C5orf22: variants seen among roughly 807,000 people sequenced by gnomAD.
C5orf22 encodes the protein UPF0489 protein C5orf22.
C5orf22 carries 36 observed loss-of-function variants against 48.7 expected under a neutral mutation model. The observed-to-expected ratio is 0.74, with a 90% CI of 0.57 to 0.98. The LOEUF is 0.98. Ranked by LOEUF, C5orf22 falls within the 50% of genes least tolerant of loss-of-function variation. The probability of loss-of-function intolerance (pLI) is 0.00; values close to 1 mark genes in which losing one functional copy is unlikely to be tolerated. For missense variants in C5orf22, 486 were observed against 521.9 expected (o/e 0.93, Z 0.67); for synonymous variants, 141 against 180.8 (o/e 0.78, Z 1.76).
At chr5:31,535,664 T>C (rs1742023821) in intron 2 of C5orf22, 80 bp from the exon 3 acceptor site, 3 of 1,193,170 alleles carry the variant, frequency 2.5e-6, no homozygotes, top group Middle Eastern at 2.6e-4. Flanking sequence ...ACCTGTGGTC[T>C]TAAAATGTTG....
At chr5:31,548,929 C>G (rs1234681264) in intron 7 of C5orf22, among the ~76,000 whole-genome samples, 1 of 152,094 alleles carries the variant, frequency 6.6e-6, no homozygotes, top group African/African-American at 2.4e-5. Flanking sequence ...TTAAAACCAT[C>G]AGATCTCCAG....
chr5:31,532,809 A>G (rs553801354), intron 1 of C5orf22, among the ~76,000 whole-genome samples: 28 of 152,060 alleles, frequency 1.8e-4, no homozygotes, highest in Admixed American at 4.6e-4. Context: ...GCTTCCAAGT[A>G]TCTCCTGGAA....
intron 6 of C5orf22, among the ~76,000 whole-genome samples, chr5:31,543,316 T>A (rs11742018): frequency 6.6e-6 from 1 of 152,200 alleles, no homozygotes; most frequent in South Asian, 2.1e-4. Context: ...CTCTGTAATC[T>A]GAGCACTTTG....
At chr5:31,546,707 A>G (rs1742902670) in intron 7 of C5orf22, among the ~76,000 whole-genome samples, 1 of 152,128 alleles carries the variant, frequency 6.6e-6, no homozygotes, top group African/African-American at 2.4e-5. Context: ...TGTTTTTAAA[A>G]CTGTGAGATC....
At chr5:31,540,196 A>G (rs62348758) in intron 4 of C5orf22, among the ~76,000 whole-genome samples, 37,053 of 152,178 alleles carry the variant, frequency 0.24, 5,375 homozygotes, top group Non-Finnish European at 0.34. Flanking sequence ...ATCATACCCA[A>G]CTCAGGATTG....
intron 6 of C5orf22, among the ~76,000 whole-genome samples, chr5:31,544,703 A>G (rs1248220644): frequency 6.6e-6 from 1 of 152,210 alleles, no homozygotes; most frequent in African/African-American, 2.4e-5. Context: ...TGGGAGGCTA[A>G]GGTGGAAGGC....
At chr5:31,533,854 A>G (rs1741893744) in intron 1 of C5orf22, among the ~76,000 whole-genome samples, 1 of 152,154 alleles carries the variant, frequency 6.6e-6, no homozygotes, top group South Asian at 2.1e-4. Context: ...GTGAGCCATG[A>G]TCACACCACT....
chr5:31,534,869 C>A (rs1028739560), intron 2 of C5orf22: 2 of 379,390 alleles, frequency 5.3e-6, no homozygotes, highest in African/African-American at 4.3e-5. Flanking sequence ...CATAACCAGA[C>A]CCCATCTCTT....
Position 31,542,463 on chromosome 5 carries a change from G to A in C5orf22, c.992+1061G>A, listed in dbSNP as rs537444438. On this transcript the variant is annotated intron_variant, in intron 6 of 8. Transcript: ENST00000325366. ...GAGACTGGACTTTTTCTGAGACTCCGTCTCAAAAAAAAAAAGCGAAAACTT... is the reference window on the plus strand; with the variant it reads ...GAGACTGGACTTTTTCTGAGACTCCATCTCAAAAAAAAAAAGCGAAAACTT... Among the ~76,000 whole-genome samples, 108 of 45,706 alleles carry A rather than the reference G, an allele frequency of 2.4e-3. 2 individuals are homozygous for A. The highest frequency in any genetic ancestry group is 6.4e-3 in the African/African-American group (103 of 16,022). 30.0% of individuals were successfully genotyped at this position (45,706 alleles called of 152,430 possible).
At chr5:31,552,046 A>G (rs1041196060) in intron 8 of C5orf22, among the ~76,000 whole-genome samples, 1 of 152,050 alleles carries the variant, frequency 6.6e-6, no homozygotes, top group Non-Finnish European at 1.5e-5. Flanking sequence ...TGCTCTTCTC[A>G]CTCTGTCCTC....
Position 31,553,043 on chromosome 5 carries a change from A to G in C5orf22, c.*141A>G, listed in dbSNP as rs1414776098. On this transcript the variant is annotated 3_prime_UTR_variant, in exon 9 of 9. Coordinates refer to ENST00000325366, the MANE Select transcript of C5orf22 (RefSeq NM_018356.3). ...TCTTTCAGATATTTTGAATCTCTGA[A>G]CAACCATTGTCAGTTGTGAATGATG... The G allele has an allele frequency of 3.8e-6, 3 of 795,752 alleles. No homozygotes were observed. The highest frequency in any genetic ancestry group is 3.1e-5 in the Admixed American group (1 of 32,014). The allele number at this position is 795,752 out of a possible 1,614,324, so 49.3% of individuals were successfully genotyped here. A position where few individuals can be genotyped will look rare whatever the true frequency, so the allele number is the denominator to read the frequency against.
chr5:31,549,973 G>A (rs190397985), intron 7 of C5orf22, among the ~76,000 whole-genome samples: 5 of 152,196 alleles, frequency 3.3e-5, no homozygotes, highest in South Asian at 2.1e-4. Flanking sequence ...GGTTTTTTTC[G>A]TTGGGTGGGT....
chr5:31,545,831 C>A, intron 7 of C5orf22, 119 bp downstream of exon 7: 2 of 614,966 alleles, frequency 3.3e-6, no homozygotes, highest in Non-Finnish European at 5.7e-6. Flanking sequence ...AAGTCTGAAA[C>A]AATTATTAAG....
At chr5:31,551,238 G>T in intron 7 of C5orf22, 55 bp from the exon 8 acceptor site, 1 of 1,560,256 alleles carries the variant, frequency 6.4e-7, no homozygotes, top group South Asian at 1.2e-5. Flanking sequence ...AATGATTAAA[G>T]AAGCTTATAA....
At position 31,538,687 on chromosome 5, in the gene C5orf22, C is replaced by G. The variant is rs540735909; in HGVS notation, c.805C>G (p.Gln269Glu). 3.0e-5 allele frequency: 48 copies of G among 1,604,466 alleles called. No individual in the cohort carries two copies. The Admixed American group carries it at 7.7e-4, about 26-fold the overall frequency. Reference sequence around the variant, plus strand: ...GAATCCCTTCAAAGAAATGTTCACTCAGGTAAATAATTGTGTTTTTAACAC... The same window carrying G: ...GAATCCCTTCAAAGAAATGTTCACTGAGGTAAATAATTGTGTTTTTAACAC... ...VKNPFKEMFT[Q>E]EEYKILQELY... Residue 269 changes from glutamine (Q) to glutamate (E), a missense_variant and splice_region_variant, in exon 4 of 9, where the codon CAG becomes GAG. Gln to Glu is a conservative substitution (Grantham distance 29). Transcript: ENST00000325366.
intron 4 of C5orf22, 137 bp downstream of exon 4, chr5:31,538,826 T>C: frequency 1.5e-6 from 1 of 657,384 alleles, no homozygotes; most frequent in Admixed American, 2.9e-5. Context: ...CTAATACCCT[T>C]TTCTGTTGTT....
intron 3 of C5orf22, among the ~76,000 whole-genome samples, chr5:31,536,418 G>C (rs945074383): frequency 1.3e-5 from 2 of 152,194 alleles, no homozygotes; most frequent in Non-Finnish European, 2.9e-5. Context: ...AGCTACTCAG[G>C]AGGCTGAGGC....
Position 31,540,959 on chromosome 5 carries a change from A to G in C5orf22, c.818A>G (p.Lys273Arg), listed in dbSNP as rs1223993529. 1.2e-6 allele frequency: 2 copies of G among 1,610,842 alleles called. No individual in the cohort carries two copies. The highest frequency in any genetic ancestry group is 2.7e-5 in the African/African-American group (2 of 74,870). ...FKEMFTQEEY[K>R]ILQELYQFKK... The stretch of plus-strand genomic sequence containing the variant: ...TGTTTTGTTTTCCAGGAAGAGTACA[A>G]AATCTTACAAGAGCTGTACCAATTT... The change falls in exon 5 of 9, where the codon AAA (lysine) becomes AGA (arginine). Residue 273 changes from lysine (K) to arginine (R), a missense_variant. By Grantham distance (26) the Lys-to-Arg change is conservative. Transcript: ENST00000325366.
chr5:31,546,658 G>C (rs1742898643), intron 7 of C5orf22, among the ~76,000 whole-genome samples: 1 of 152,172 alleles, frequency 6.6e-6, no homozygotes, highest in Non-Finnish European at 1.5e-5. Flanking sequence ...GGTCTCACAT[G>C]GTGGCAGACA....
Sources: gnomAD v4.1 joint callset for allele counts (sites outside exome capture counted in the v4.1 genomes callset) on GRCh38, gnomAD v4.1.1 for gene constraint, MANE v1.5 for transcripts, NCBI Gene and HGNC (gene_info 2026-07-23, HGNC 2026-07-21) for gene names.